TNKS: variants seen among roughly 807,000 people sequenced by gnomAD.
TNKS encodes tankyrase.
TNKS carries 72 observed loss-of-function variants against 135.8 expected under a neutral mutation model. The ratio of observed to expected loss-of-function variants is 0.53; its 90% CI spans 0.44 to 0.64. The LOEUF (loss-of-function observed/expected upper bound fraction) is 0.64. TNKS is among the 30% of genes least tolerant of loss of function. The probability of loss-of-function intolerance (pLI) is 0.00; values close to 1 mark genes in which losing one functional copy is unlikely to be tolerated. For synonymous variants in TNKS, 849 were observed against 649.3 expected (o/e 1.31, Z -4.68); for missense variants, 1,769 against 1,674.0 (o/e 1.06, Z -0.99).
At chr8:9,586,290 T>G (rs1437794972) in intron 2 of TNKS, among the ~76,000 whole-genome samples, 1 of 152,206 alleles carries the variant, frequency 6.6e-6, no homozygotes, top group Non-Finnish European at 1.5e-5. Flanking sequence ...ATAAAGATAG[T>G]ATTATTTAAT....
chr8:9,585,391 A>G (rs1057127600), intron 2 of TNKS, among the ~76,000 whole-genome samples: 1 of 151,978 alleles, frequency 6.6e-6, no homozygotes, highest in African/African-American at 2.4e-5. Flanking sequence ...GATCAGTAAT[A>G]ATTAAACAAA....
At chr8:9,661,122 T>A (rs1411992077) in intron 3 of TNKS, among the ~76,000 whole-genome samples, 10 of 151,902 alleles carry the variant, frequency 6.6e-5, no homozygotes, top group Non-Finnish European at 1.5e-4. Flanking sequence ...TGCTCATGGG[T>A]AGGAAGAATC....
intron 1 of TNKS, among the ~76,000 whole-genome samples, chr8:9,574,794 C>T (rs1391053973): frequency 2.0e-5 from 3 of 151,894 alleles, no homozygotes; most frequent in Non-Finnish European, 4.4e-5. Flanking sequence ...ACATTTTTGG[C>T]CAATGAACTA....
intron 21 of TNKS, among the ~76,000 whole-genome samples, chr8:9,762,640 C>T (rs1003913770): frequency 1.3e-5 from 2 of 152,108 alleles, no homozygotes; most frequent in Non-Finnish European, 2.9e-5. Flanking sequence ...CAGTGGCTCA[C>T]GCCTGTAATC....
At chr8:9,654,161 G>A (rs1268943349) in intron 3 of TNKS, among the ~76,000 whole-genome samples, 1 of 152,148 alleles carries the variant, frequency 6.6e-6, no homozygotes, top group South Asian at 2.1e-4. Context: ...GTGGAGCAAG[G>A]TGCTGTGATT....
At chr8:9,564,729 C>G (rs1797459140) in intron 1 of TNKS, among the ~76,000 whole-genome samples, 1 of 152,182 alleles carries the variant, frequency 6.6e-6, no homozygotes, top group Admixed American at 6.5e-5. Flanking sequence ...TAGCCCTGCT[C>G]TTGAGGCACC....
At chr8:9,762,238 G>C (rs1178502565) in intron 21 of TNKS, among the ~76,000 whole-genome samples, 1 of 151,840 alleles carries the variant, frequency 6.6e-6, no homozygotes, top group Admixed American at 6.6e-5. Flanking sequence ...TTCTCTATTT[G>C]TTAGAAGCAC....
At chr8:9,621,802 C>T (rs1799877953) in intron 3 of TNKS, among the ~76,000 whole-genome samples, 1 of 152,010 alleles carries the variant, frequency 6.6e-6, no homozygotes. Context: ...AAATAAACTA[C>T]AAGCAGAAAT....
intron 11 of TNKS, among the ~76,000 whole-genome samples, chr8:9,717,312 A>G (rs556736517): frequency 2.0e-5 from 3 of 151,686 alleles, no homozygotes; most frequent in African/African-American, 7.2e-5. Context: ...TTCATTCCTC[A>G]TAGGAAGTGC....
At position 9,704,673 on chromosome 8, in the gene TNKS, T is replaced by C. The variant is rs1803966179; in HGVS notation, c.1118T>C (p.Leu373Ser). The part of the protein sequence containing the change: ...HASDGRKSTP[L>S]HLAAGYNRVR... ...GTTTTTCTTTTCTAGTCGACTCCTT[T>C]ACATCTAGCAGCGGGCTACAACAGA... Residue 373 changes from leucine (L) to serine (S), a missense_variant, in exon 6 of 27, where the codon TTA (leucine) becomes TCA (serine). Leu to Ser is a moderately radical substitution (Grantham distance 145). This residue lies in a region of TNKS where 523 missense variants were observed against 541.0 expected (regional missense o/e 0.97). Transcript: ENST00000310430. 1 of 1,612,948 alleles carries C rather than the reference T, an allele frequency of 6.2e-7. No homozygotes were observed. The highest frequency in any genetic ancestry group is 8.5e-7 in the Non-Finnish European group (1 of 1,179,244).
intron 2 of TNKS, among the ~76,000 whole-genome samples, chr8:9,609,030 T>C (rs777087246): frequency 2.6e-5 from 4 of 152,224 alleles, no homozygotes; most frequent in Non-Finnish European, 5.9e-5. Context: ...TATTTTTATT[T>C]CTAAAAGTTC....
At chr8:9,650,775 A>C (rs943604994) in intron 3 of TNKS, among the ~76,000 whole-genome samples, 1 of 151,710 alleles carries the variant, frequency 6.6e-6, no homozygotes, top group Non-Finnish European at 1.5e-5. Context: ...TTGTCTGTTT[A>C]CTCTGCTGAT....
chr8:9,634,193 G>A (rs1800413920), intron 3 of TNKS, among the ~76,000 whole-genome samples: 1 of 151,400 alleles, frequency 6.6e-6, no homozygotes, highest in Non-Finnish European at 1.5e-5. Flanking sequence ...AGAACAGAGG[G>A]TAGATAAGAC....
chr8:9,779,217 G>A lies in TNKS; in HGVS notation c.*2481G>A, dbSNP rs1475717722. The A allele has an allele frequency of 6.6e-6, 1 of 152,604 alleles. No homozygotes were observed. Among genetic ancestry groups the A allele is most frequent in the African/African-American group, 2.4e-5 (1 of 41,430 alleles). 9.5% of individuals were successfully genotyped at this position (152,604 alleles called of 1,614,324 possible). A position where few individuals can be genotyped will look rare whatever the true frequency, so the allele number is the denominator to read the frequency against. ...GAACTTGAAAACCAAAGGTCATCAT[G>A]AGTGCACTCAAAAGTTAGGACAAGT... On this transcript the variant is annotated 3_prime_UTR_variant, in exon 27 of 27. Transcript: ENST00000310430.
At chr8:9,723,273 CT>C (rs11324147) in intron 12 of TNKS, among the ~76,000 whole-genome samples, 106,249 of 151,506 alleles carry the variant, frequency 0.7, 37,781 homozygotes, top group Admixed American at 0.8. Flanking sequence ...ATTAGCTGAA[CT>C]TTTTAGTTAT....
chr8:9,578,765 A>G (rs1439069879), intron 1 of TNKS, among the ~76,000 whole-genome samples: 1 of 152,182 alleles, frequency 6.6e-6, no homozygotes, highest in Admixed American at 6.5e-5. Context: ...ACAGTATTAC[A>G]CAATAATAGT....
At chr8:9,633,823 A>G (rs73202861) in intron 3 of TNKS, among the ~76,000 whole-genome samples, 70 of 152,250 alleles carry the variant, frequency 4.6e-4, no homozygotes, top group Middle Eastern at 3.4e-3. Flanking sequence ...CCACATGAAG[A>G]TTCTTGGAAG....
intron 1 of TNKS, among the ~76,000 whole-genome samples, chr8:9,566,789 T>C (rs2129050473): frequency 6.6e-6 from 1 of 151,532 alleles, no homozygotes; most frequent in Admixed American, 6.6e-5. Flanking sequence ...TTTGTATTTT[T>C]AGTAGAGACG....
chr8:9,723,006 C>T (rs1804969274), intron 12 of TNKS, among the ~76,000 whole-genome samples: 1 of 152,020 alleles, frequency 6.6e-6, no homozygotes, highest in South Asian at 2.1e-4. Context: ...GATAAATCTC[C>T]TTTAAAATTG....
Sources: gnomAD v4.1 joint callset for allele counts (sites outside exome capture counted in the v4.1 genomes callset) on GRCh38, gnomAD v4.1.1 for gene constraint, gnomAD v4.1.1 regional missense constraint, MANE v1.5 for transcripts, NCBI Gene and HGNC (gene_info 2026-07-23, HGNC 2026-07-21) for gene names.